Variants in MAP3K15 observed in about 807,000 individuals in gnomAD.
MAP3K15 encodes the protein mitogen-activated protein kinase kinase kinase 15.
A neutral mutation model predicts 99.5 loss-of-function variants in MAP3K15; 124 were observed. That is an observed-to-expected ratio of 1.25 (90% CI 1.08 to 1.45). The LOEUF is 1.45. Among genes scored for constraint, MAP3K15 ranks in the 40% most tolerant of loss-of-function variants. The pLI is 0.00. For synonymous variants in MAP3K15, 494 were observed against 439.6 expected (o/e 1.12, Z -1.55); for missense variants, 1,242 against 1,079.7 (o/e 1.15, Z -2.11).
intron 9 of MAP3K15, 90 bp downstream of exon 9, chrX:19,425,441 A>C: frequency 1.1e-6 from 1 of 926,357 alleles, no homozygotes; most frequent in South Asian, 2.9e-5. Context: ...ATGAAAAGTC[A>C]GAAGGAGAAA....
At position 19,500,306 on chromosome X, in the gene MAP3K15, T is replaced by C. The variant is rs1002188002; in HGVS notation, c.362-11339A>G. Reference sequence around the variant, plus strand: ...AATCAAGTATGAGGTAGGGAATGGATAGAGGTAAAGAAGAAATGAGAACAG... The same window carrying C: ...AATCAAGTATGAGGTAGGGAATGGACAGAGGTAAAGAAGAAATGAGAACAG... On this transcript the variant is annotated intron_variant, in intron 1 of 28. Coordinates refer to ENST00000338883, the MANE Select transcript of MAP3K15 (RefSeq NM_001001671.4). Among the ~76,000 whole-genome samples the C allele has an allele frequency of 1.9e-4, 21 of 111,844 alleles. No homozygotes were observed. In the East Asian group the frequency reaches 5.6e-3, roughly 30 times the overall value.
chrX:19,458,987 A>T (rs887616247), intron 5 of MAP3K15, among the ~76,000 whole-genome samples: 1 of 112,060 alleles, frequency 8.9e-6, no homozygotes, highest in African/African-American at 3.2e-5. Context: ...TCACGGAACC[A>T]CAGACCAAAA....
At chrX:19,503,282 T>G (rs1217014944) in intron 1 of MAP3K15, among the ~76,000 whole-genome samples, 1 of 112,066 alleles carries the variant, frequency 8.9e-6, no homozygotes, top group African/African-American at 3.2e-5. Context: ...TGACCATGTG[T>G]AGATGGCATG....
intron 6 of MAP3K15, among the ~76,000 whole-genome samples, chrX:19,445,589 CAAA>C (rs764600771): frequency 0.075 from 2,876 of 38,464 alleles, 138 homozygotes; most frequent in African/African-American, 0.19. Flanking sequence ...GACTCTGTCT[CAAA>C]AAAAAAAAAA....
At chrX:19,422,032 A>G (rs1227032590) in intron 9 of MAP3K15, among the ~76,000 whole-genome samples, 65 of 111,263 alleles carry the variant, frequency 5.8e-4, no homozygotes, top group African/African-American at 1.7e-3. Flanking sequence ...AATTAATTCA[A>G]GATGGATTAA....
At chrX:19,412,482 G>C (rs1003440430) in intron 11 of MAP3K15, among the ~76,000 whole-genome samples, 1 of 111,304 alleles carries the variant, frequency 9.0e-6, no homozygotes, top group African/African-American at 3.3e-5. Context: ...ATCGGAAGAA[G>C]GAAATCCCAA....
intron 3 of MAP3K15, among the ~76,000 whole-genome samples, chrX:19,474,610 G>A (rs2064229724): frequency 9.5e-6 from 1 of 105,734 alleles, no homozygotes; most frequent in Non-Finnish European, 1.9e-5. Flanking sequence ...GCCCTCAACT[G>A]AAACATAACA....
intron 3 of MAP3K15, among the ~76,000 whole-genome samples, chrX:19,477,139 T>C (rs141854758): frequency 2.2e-3 from 249 of 112,098 alleles, no homozygotes; most frequent in Non-Finnish European, 3.7e-3. Flanking sequence ...ATGGGTGCCA[T>C]GGATATGAAA....
rs764726431 is a variant in MAP3K15, at chrX:19,371,065, C to G, written c.3295-1G>C. ...AGTGGTTCCTCAAAATTTTATTTAC[C>G]TAAAAAAAAAAAAAATAATAAAATA... On this transcript the variant is annotated splice_acceptor_variant, in intron 23 of 28. Transcript: ENST00000338883. LOFTEE classifies it high-confidence loss of function. 8 of 1,060,439 alleles carry G rather than the reference C, an allele frequency of 7.5e-6. No individual in the cohort carries two copies. The African/African-American group carries it at 1.7e-4, about 22-fold the overall frequency. 87.4% of individuals were successfully genotyped at this position (1,060,439 alleles called of 1,213,427 possible).
At position 19,439,258 on chromosome X, in the gene MAP3K15, C is replaced by A. The variant is rs769277930; in HGVS notation, c.996-7650G>T. Among the ~76,000 whole-genome samples the A allele has an allele frequency of 2.1e-4, 24 of 111,836 alleles. 1 individual carries two copies. Among genetic ancestry groups the A allele is most frequent in the Admixed American group, 2.0e-3 (21 of 10,490 alleles). On this transcript the variant is annotated intron_variant, in intron 6 of 28. Transcript: ENST00000338883. ...GAGACCTCCCCAGAAGCTGAGCAGA[C>A]ACCAATGCCATGCTTGTACAGTCTG...
At chrX:19,399,907 A>C (rs2063596563) in intron 14 of MAP3K15, among the ~76,000 whole-genome samples, 2 of 111,449 alleles carry the variant, frequency 1.8e-5, no homozygotes, top group African/African-American at 3.3e-5. Context: ...TTTCTACAAC[A>C]AACTCTGGTC....
In MAP3K15 at chrX:19,402,365, C is replaced by T. The variant is rs1443670700; in HGVS notation, c.1845-1702G>A. Among the ~76,000 whole-genome samples the T allele has an allele frequency of 2.7e-5, 3 of 111,007 alleles. No individual in the cohort carries two copies. In the East Asian group the frequency reaches 8.5e-4, roughly 31 times the overall value. On this transcript the variant is annotated intron_variant, in intron 13 of 28. Transcript: ENST00000338883. ...GAACAACTGGGACTCTCATACATTGCTAGTGGGAGTGTAAATTGACATGAC... is the reference window on the plus strand; with the variant it reads ...GAACAACTGGGACTCTCATACATTGTTAGTGGGAGTGTAAATTGACATGAC...
In MAP3K15 at chrX:19,371,079, AAT is replaced by A. The variant is rs1555940292; in HGVS notation, c.3295-17_3295-16del. ...ATTTTATTTACCTAAAAAAAAAAAA[AAT>A]AATAAAATAAACTAAAATCACAAAA... On this transcript the variant is annotated splice_polypyrimidine_tract_variant and intron_variant, in intron 23 of 28. Coordinates refer to ENST00000338883, the MANE Select transcript of MAP3K15 (RefSeq NM_001001671.4). 3 of 1,065,225 alleles carry A rather than the reference AAT, an allele frequency of 2.8e-6. No homozygotes were observed. The highest frequency in any genetic ancestry group is 3.5e-5 in the East Asian group (1 of 28,833). The allele number at this position is 1,065,225 out of a possible 1,213,427, so 87.8% of individuals were successfully genotyped here.
chrX:19,483,025 G>T (rs981932542), intron 3 of MAP3K15, among the ~76,000 whole-genome samples: 5 of 109,839 alleles, frequency 4.6e-5, no homozygotes, highest in African/African-American at 1.7e-4. Flanking sequence ...AACGCGGGCG[G>T]ATCATCTGAG....
intron 1 of MAP3K15, among the ~76,000 whole-genome samples, chrX:19,499,044 T>G (rs1459505941): frequency 4.5e-5 from 5 of 111,691 alleles, no homozygotes; most frequent in African/African-American, 1.6e-4. Context: ...GACAAAGCAC[T>G]TAAATCCAAA....
At chrX:19,416,969 T>A (rs879097642) in intron 9 of MAP3K15, among the ~76,000 whole-genome samples, 1 of 112,384 alleles carries the variant, frequency 8.9e-6, no homozygotes, top group Non-Finnish European at 1.9e-5. Context: ...TAGATTTACA[T>A]GAAGTGCTAA....
chrX:19,439,864 G>A (rs190622400), intron 6 of MAP3K15, among the ~76,000 whole-genome samples: 3 of 111,967 alleles, frequency 2.7e-5, no homozygotes, highest in Admixed American at 1.9e-4. Flanking sequence ...CAATCACTGG[G>A]GTCTGCCCTC....
At chrX:19,432,582 A>T (rs868072613) in intron 6 of MAP3K15, among the ~76,000 whole-genome samples, 43 of 109,729 alleles carry the variant, frequency 3.9e-4, no homozygotes, top group African/African-American at 1.4e-3. Flanking sequence ...GAAAGAAAAG[A>T]AAAGGAAAGA....
intron 11 of MAP3K15, among the ~76,000 whole-genome samples, 180 bp downstream of exon 11, chrX:19,413,177 C>A (rs1384947843): frequency 9.2e-6 from 1 of 108,971 alleles, no homozygotes; most frequent in Admixed American, 9.8e-5. Context: ...CATGCCCACA[C>A]ACACACATGC....
Sources: allele counts gnomAD v4.1 joint callset (sites outside exome capture counted in the v4.1 genomes callset), GRCh38; gene constraint gnomAD v4.1.1; transcripts MANE v1.5; gene names NCBI Gene and HGNC (gene_info 2026-07-23, HGNC 2026-07-21).